The following DGKB variants were observed in gnomAD, a reference collection of about 807,000 sequenced individuals.
DGKB encodes diacylglycerol kinase beta.
In DGKB, 67 loss-of-function variants were observed where a neutral mutation model predicts 114.3. The ratio of observed to expected loss-of-function variants is 0.59; its 90% CI spans 0.48 to 0.72. DGKB has a LOEUF of 0.72. DGKB is among the 30% of genes least tolerant of loss of function. The pLI is 0.00. For synonymous variants in DGKB, 398 were observed against 323.1 expected, an observed-to-expected ratio of 1.23 and a Z score of -2.49; for missense variants, 907 against 975.2, an observed-to-expected ratio of 0.93 and a Z score of 0.93.
intron 6 of DGKB, among the ~76,000 whole-genome samples, chr7:14,713,972 T>C (rs1450260243): frequency 2.6e-5 from 4 of 151,784 alleles, no homozygotes; most frequent in African/African-American, 9.7e-5. Flanking sequence ...TCTTAAATAG[T>C]TGATGTTATT....
At position 14,823,735 on chromosome 7, in the gene DGKB, C is replaced by A. The variant is rs147972121; in HGVS notation, c.70+17459G>T. On this transcript the variant is annotated intron_variant, in intron 2 of 25. Coordinates refer to ENST00000402815, the MANE Select transcript of DGKB (RefSeq NM_001350709.2). Reference sequence around the variant, plus strand: ...GAAGAAAGTGAGGCTAAAGGTATTACATTTTTCCCTGCTTCTCCATATACT... The same window carrying A: ...GAAGAAAGTGAGGCTAAAGGTATTAAATTTTTCCCTGCTTCTCCATATACT... 9.0e-3 allele frequency among the ~76,000 whole-genome samples: 1,374 copies of A among 152,252 alleles called. 14 individuals carry two copies. The highest frequency in any genetic ancestry group is 0.032 in the African/African-American group (1,318 of 41,548).
At chr7:14,414,869 T>A (rs922383897) in intron 21 of DGKB, among the ~76,000 whole-genome samples, 4 of 152,124 alleles carry the variant, frequency 2.6e-5, no homozygotes, top group African/African-American at 7.2e-5. Context: ...ATTCCCTGTG[T>A]AACTTATCCA....
At chr7:14,648,200 A>T (rs563981759) in intron 13 of DGKB, among the ~76,000 whole-genome samples, 117 of 152,346 alleles carry the variant, frequency 7.7e-4, no homozygotes, top group Non-Finnish European at 1.3e-3. Context: ...CAAGGCACAG[A>T]CAAACAAAAA....
chr7:14,809,568 C>T (rs577543665), intron 2 of DGKB, among the ~76,000 whole-genome samples: 8 of 152,164 alleles, frequency 5.3e-5, no homozygotes, highest in Non-Finnish European at 7.4e-5. Flanking sequence ...TTTGGAGTCC[C>T]CTACTAAGTT....
At chr7:14,965,535 C>T (rs1262748834) in intron 1 of DGKB, among the ~76,000 whole-genome samples, 5 of 151,960 alleles carry the variant, frequency 3.3e-5, no homozygotes, top group East Asian at 1.9e-4. Flanking sequence ...GAATATTAAA[C>T]AAAACAAATA....
chr7:14,471,024 G>A (rs929916072), intron 21 of DGKB, among the ~76,000 whole-genome samples: 1 of 150,726 alleles, frequency 6.6e-6, no homozygotes, highest in East Asian at 1.9e-4. Flanking sequence ...GAACTTTAAT[G>A]GAATTTTTAT....
rs1229929846 is a variant in DGKB, at chr7:14,418,249, GTATATAT to G, written c.1835+59905_1835+59911del. 2.0e-4 allele frequency among the ~76,000 whole-genome samples: 25 copies of G among 126,344 alleles called. 1 individual carries two copies. The highest frequency in any genetic ancestry group is 7.8e-4 in the South Asian group (3 of 3,860). 82.9% of individuals were successfully genotyped at this position (126,344 alleles called of 152,430 possible). On this transcript the variant is annotated intron_variant, in intron 21 of 25. Transcript: ENST00000402815. The stretch of plus-strand genomic sequence containing the variant: ...ATGTACATATATTTTATATATGTGT[GTATATAT>G]TATATATGTATATATATTTTATATA...
At chr7:14,769,887 C>T (rs563821676) in intron 2 of DGKB, among the ~76,000 whole-genome samples, 2 of 152,066 alleles carry the variant, frequency 1.3e-5, no homozygotes, top group Non-Finnish European at 2.9e-5. Context: ...ATCAGAAATC[C>T]AGGATAATCT....
At chr7:14,309,782 C>G (rs889862627) in intron 23 of DGKB, among the ~76,000 whole-genome samples, 1 of 152,124 alleles carries the variant, frequency 6.6e-6, no homozygotes, top group African/African-American at 2.4e-5. Flanking sequence ...ACCAGCACAA[C>G]TGGGACAAAG....
At chr7:14,572,251 A>G (rs1321278049) in intron 20 of DGKB, among the ~76,000 whole-genome samples, 1 of 151,602 alleles carries the variant, frequency 6.6e-6, no homozygotes, top group Non-Finnish European at 1.5e-5. Context: ...CAGGAGATCC[A>G]GACCATCCTG....
At chr7:14,289,374 T>C (rs1359658174) in intron 23 of DGKB, among the ~76,000 whole-genome samples, 4 of 152,164 alleles carry the variant, frequency 2.6e-5, no homozygotes, top group Non-Finnish European at 5.9e-5. Context: ...AGCAAATATA[T>C]TTAAAGACAT....
intron 13 of DGKB, among the ~76,000 whole-genome samples, chr7:14,666,100 A>T (rs1178962918): frequency 6.6e-6 from 1 of 152,040 alleles, no homozygotes; most frequent in Non-Finnish European, 1.5e-5. Context: ...TATAAATTTA[A>T]TTATAAGCTT....
chr7:14,691,648 T>C (rs1822887232), intron 9 of DGKB, among the ~76,000 whole-genome samples: 1 of 152,174 alleles, frequency 6.6e-6, no homozygotes, highest in African/African-American at 2.4e-5. Context: ...GGCTTATACA[T>C]TTTATTAAAA....
intron 20 of DGKB, among the ~76,000 whole-genome samples, chr7:14,486,283 G>A (rs958531645): frequency 6.6e-6 from 1 of 152,176 alleles, no homozygotes; most frequent in Admixed American, 6.6e-5. Flanking sequence ...ACAGATGGTG[G>A]CCTCTAATCT....
chr7:14,900,810 T>TA (rs1659998690), intron 1 of DGKB, among the ~76,000 whole-genome samples: 1 of 152,182 alleles, frequency 6.6e-6, no homozygotes, highest in South Asian at 2.1e-4. Context: ...TTTCTAGATT[T>TA]AAAAAAATTT....
chr7:14,394,285 T>C (rs532005862), intron 21 of DGKB, among the ~76,000 whole-genome samples: 1 of 152,318 alleles, frequency 6.6e-6, no homozygotes, highest in East Asian at 1.9e-4. Flanking sequence ...TATACTAAAT[T>C]GTTCTCTGCT....
chr7:14,488,919 T>A (rs1358641320), intron 20 of DGKB, among the ~76,000 whole-genome samples: 1 of 150,224 alleles, frequency 6.7e-6, no homozygotes, highest in Non-Finnish European at 1.5e-5. Context: ...ACAACAAAAA[T>A]TAGGTCTAGA....
chr7:14,591,169 C>T (rs1182758239), intron 17 of DGKB, among the ~76,000 whole-genome samples: 1 of 152,092 alleles, frequency 6.6e-6, no homozygotes, highest in Admixed American at 6.6e-5. Context: ...GAGGCTTCCA[C>T]ATTACAGGTC....
At chr7:14,219,425 C>A (rs141929455) in intron 23 of DGKB, among the ~76,000 whole-genome samples, 1 of 151,946 alleles carries the variant, frequency 6.6e-6, no homozygotes, top group East Asian at 1.9e-4. Context: ...ACATTCTTGG[C>A]AACACTTAGT....
Sources: gnomAD v4.1 joint callset for allele counts (sites outside exome capture counted in the v4.1 genomes callset) on GRCh38, gnomAD v4.1.1 for gene constraint, MANE v1.5 for transcripts, NCBI Gene and HGNC (gene_info 2026-07-23, HGNC 2026-07-21) for gene names.